The following ENTREP2 variants were observed in gnomAD, a reference collection of about 807,000 sequenced individuals.
ENTREP2 encodes protein ENTREP2.
At chr15:29,164,565 A>C in the ENTREP2 span, among the ~76,000 whole-genome samples, 1 of 152,226 alleles carries the variant, frequency 6.6e-6, no homozygotes. Flanking sequence ...AAGCAATATC[A>C]GTTAAAAGAG....
At chr15:29,595,390 T>TA in the ENTREP2 span, among the ~76,000 whole-genome samples, 1 of 152,226 alleles carries the variant, frequency 6.6e-6, no homozygotes, top group African/African-American at 2.4e-5. Context: ...CATCTTACCT[T>TA]AATCTGGTAG....
chr15:29,265,230 C>T, the ENTREP2 span: 1 of 152,140 alleles, frequency 6.6e-6, no homozygotes, highest in African/African-American at 2.4e-5. Context: ...TCAGAAACAT[C>T]CTTAGAGCCT....
At chr15:29,415,186 G>C in the ENTREP2 span, among the ~76,000 whole-genome samples, 1 of 152,114 alleles carries the variant, frequency 6.6e-6, no homozygotes, top group African/African-American at 2.4e-5. Context: ...AAGTCTGGCA[G>C]AGACACAACA....
chr15:29,258,922 CTTCCTT>C, the ENTREP2 span, among the ~76,000 whole-genome samples: 2 of 152,194 alleles, frequency 1.3e-5, no homozygotes, highest in South Asian at 4.1e-4. Context: ...TCAGAATTTC[CTTCCTT>C]TTCAAGGCTA....
the ENTREP2 span, among the ~76,000 whole-genome samples, chr15:29,538,638 CAAAAAAAAAAAAA>C: frequency 1.3e-5 from 1 of 79,002 alleles, no homozygotes; most frequent in Non-Finnish European, 2.5e-5. Context: ...ACTAAAAATA[CAAAAAAAAAAAAA>C]AAAAAAAAAG....
chr15:29,349,341 T>C, the ENTREP2 span, among the ~76,000 whole-genome samples: 17 of 152,326 alleles, frequency 1.1e-4, no homozygotes, highest in African/African-American at 3.6e-4. Flanking sequence ...ACATATCTGC[T>C]GAAACAAACA....
chr15:29,161,663 A>G, the ENTREP2 span, among the ~76,000 whole-genome samples: 1 of 152,230 alleles, frequency 6.6e-6, no homozygotes, highest in Non-Finnish European at 1.5e-5. Context: ...TGGTTGCTAA[A>G]TATTTGAAAT....
At chr15:29,659,064 C>T in the ENTREP2 span, among the ~76,000 whole-genome samples, 5 of 152,366 alleles carry the variant, frequency 3.3e-5, no homozygotes, top group East Asian at 1.9e-4. Context: ...TGAACCTGTC[C>T]TTTCTAGCAC....
At chr15:29,345,363 G>A in the ENTREP2 span, among the ~76,000 whole-genome samples, 1 of 152,108 alleles carries the variant, frequency 6.6e-6, no homozygotes, top group Non-Finnish European at 1.5e-5. Context: ...GGCTAGCGGG[G>A]AGCAGAGATG....
the ENTREP2 span, among the ~76,000 whole-genome samples, chr15:29,138,771 C>G: frequency 6.6e-6 from 1 of 151,792 alleles, no homozygotes; most frequent in Non-Finnish European, 1.5e-5. Flanking sequence ...CAAGCAAGGA[C>G]AGCTCCATTA....
chr15:29,340,775 A>G, the ENTREP2 span, among the ~76,000 whole-genome samples: 203 of 152,312 alleles, frequency 1.3e-3, no homozygotes, highest in African/African-American at 4.6e-3. Flanking sequence ...AGGAAATCAC[A>G]TGTATGAGAG....
At chr15:29,161,991 C>T in the ENTREP2 span, among the ~76,000 whole-genome samples, 1 of 152,100 alleles carries the variant, frequency 6.6e-6, no homozygotes, top group African/African-American at 2.4e-5. Flanking sequence ...CTGTGAGTGC[C>T]CAAACTGCGG....
the ENTREP2 span, among the ~76,000 whole-genome samples, chr15:29,289,582 A>C: frequency 2.0e-5 from 3 of 152,178 alleles, no homozygotes; most frequent in African/African-American, 7.2e-5. Flanking sequence ...GTGGTGGCTC[A>C]CGTCTGTAAT....
At chr15:29,582,786 G>A in the ENTREP2 span, among the ~76,000 whole-genome samples, 36 of 152,090 alleles carry the variant, frequency 2.4e-4, no homozygotes, top group African/African-American at 8.4e-4. Flanking sequence ...TGAGTAGCTG[G>A]GATTACAGGC....
chr15:29,262,263 ATC>A, the ENTREP2 span, among the ~76,000 whole-genome samples: 3 of 152,134 alleles, frequency 2.0e-5, no homozygotes, highest in African/African-American at 4.8e-5. Context: ...AGGCAACAGA[ATC>A]TCTCTCTCTG....
At chr15:29,521,512 A>G in the ENTREP2 span, among the ~76,000 whole-genome samples, 2 of 152,192 alleles carry the variant, frequency 1.3e-5, no homozygotes, top group East Asian at 1.9e-4. Context: ...GAAAGCTAGA[A>G]GTAGTATAAC....
At chr15:29,645,135 A>C in the ENTREP2 span, among the ~76,000 whole-genome samples, 2 of 152,252 alleles carry the variant, frequency 1.3e-5, no homozygotes, top group Non-Finnish European at 2.9e-5. Context: ...GGACATTATC[A>C]GAGAATTCTT....
At chr15:29,217,999 G>A in the ENTREP2 span, among the ~76,000 whole-genome samples, 2 of 152,106 alleles carry the variant, frequency 1.3e-5, no homozygotes, top group Non-Finnish European at 2.9e-5. Context: ...GAGCGGAACT[G>A]CAGTGATTGT....
the ENTREP2 span, among the ~76,000 whole-genome samples, chr15:29,202,473 A>T: frequency 2.8e-3 from 430 of 151,994 alleles, no homozygotes; most frequent in African/African-American, 9.0e-3. Context: ...CATTTTAAAA[A>T]TTTTTTTTAT....
Sources: allele counts gnomAD v4.1 joint callset (sites outside exome capture counted in the v4.1 genomes callset), GRCh38; gene constraint gnomAD v4.1.1; transcripts MANE v1.5; gene names NCBI Gene and HGNC (gene_info 2026-07-23, HGNC 2026-07-21).